Variants in NAALADL2 observed in about 807,000 individuals in gnomAD.
NAALADL2 encodes inactive N-acetylated-alpha-linked acidic dipeptidase-like protein 2.
A neutral mutation model predicts 87.2 loss-of-function variants in NAALADL2; 76 were observed. The observed-to-expected ratio is 0.87, with a 90% confidence interval of 0.72 to 1.05. The LOEUF (loss-of-function observed/expected upper bound fraction) is 1.05. Among genes scored for constraint, NAALADL2 ranks in the 50% least tolerant of loss-of-function variants. NAALADL2 has a pLI of 0.00. For missense variants in NAALADL2, 1,089 were observed against 945.8 expected, an observed-to-expected ratio of 1.15 and a Z score of -1.99; for synonymous variants, 354 against 331.0, an observed-to-expected ratio of 1.07 and a Z score of -0.75.
intron 2 of NAALADL2, among the ~76,000 whole-genome samples, chr3:175,178,667 C>T (rs997659391): frequency 5.3e-5 from 8 of 151,988 alleles, no homozygotes; most frequent in Non-Finnish European, 8.8e-5. Context: ...TCTGCATCCC[C>T]GCAGTACCTG....
At chr3:174,595,230 C>T (rs9290507) in intron 2 of NAALADL2, among the ~76,000 whole-genome samples, 2,956 of 152,166 alleles carry the variant, frequency 0.019, 106 homozygotes, top group African/African-American at 0.067. Context: ...TCAGTTTTCT[C>T]TTTCTCCTCT....
intron 12 of NAALADL2, among the ~76,000 whole-genome samples, chr3:175,743,450 T>C (rs771548489): frequency 3.3e-5 from 5 of 152,310 alleles, no homozygotes; most frequent in East Asian, 1.9e-4. Context: ...ACAGGCAGAG[T>C]TGGGTTTAAC....
intron 1 of NAALADL2, among the ~76,000 whole-genome samples, chr3:174,510,750 A>T (rs1234555986): frequency 6.6e-6 from 1 of 151,230 alleles, no homozygotes; most frequent in Non-Finnish European, 1.5e-5. Flanking sequence ...TTAGGGTTCA[A>T]TTTTTTTACT....
intron 5 of NAALADL2, among the ~76,000 whole-genome samples, chr3:175,425,553 G>T (rs1990845): frequency 0.074 from 11,230 of 152,006 alleles, 1,016 homozygotes; most frequent in African/African-American, 0.21. Flanking sequence ...CTATAGCTGA[G>T]GTAAACATGA....
At chr3:175,079,065 T>C (rs996260746) in intron 1 of NAALADL2, among the ~76,000 whole-genome samples, 3 of 152,230 alleles carry the variant, frequency 2.0e-5, no homozygotes, top group Non-Finnish European at 4.4e-5. Context: ...TATGGGGTTC[T>C]AATTTCTCTA....
chr3:174,857,154 A>G (rs1231743569), upstream of NAALADL2, among the ~76,000 whole-genome samples: 1 of 152,204 alleles, frequency 6.6e-6, no homozygotes, highest in Admixed American at 6.6e-5. Context: ...ATATGAATTC[A>G]GCAAAAGGGA....
chr3:175,541,298 G>A (rs1272931126), intron 9 of NAALADL2, among the ~76,000 whole-genome samples: 1 of 152,180 alleles, frequency 6.6e-6, no homozygotes, highest in Non-Finnish European at 1.5e-5. Context: ...TTATGATGGA[G>A]TTATGTCCTA....
intron 10 of NAALADL2, among the ~76,000 whole-genome samples, chr3:175,604,126 T>A (rs769535960): frequency 5.9e-5 from 9 of 152,122 alleles, no homozygotes; most frequent in Non-Finnish European, 1.0e-4. Flanking sequence ...TCCATACTAT[T>A]TTTAATAACA....
intron 11 of NAALADL2, among the ~76,000 whole-genome samples, chr3:175,722,854 A>G (rs1449275225): frequency 6.6e-6 from 1 of 152,174 alleles, no homozygotes; most frequent in Non-Finnish European, 1.5e-5. Flanking sequence ...CCATAGATGC[A>G]CTATATAGCC....
intron 6 of NAALADL2, among the ~76,000 whole-genome samples, chr3:175,460,326 A>T (rs1333471456): frequency 6.6e-6 from 1 of 152,204 alleles, no homozygotes; most frequent in Non-Finnish European, 1.5e-5. Flanking sequence ...AACAATATGC[A>T]TCAGGATCAG....
intron 1 of NAALADL2, among the ~76,000 whole-genome samples, chr3:175,075,308 C>A (rs1716396808): frequency 6.6e-6 from 1 of 152,000 alleles, no homozygotes; most frequent in African/African-American, 2.4e-5. Context: ...TGTAAGATCT[C>A]TTTTAGTCTG....
At chr3:175,372,375 C>T (rs1766617255) in intron 5 of NAALADL2, among the ~76,000 whole-genome samples, 1 of 152,206 alleles carries the variant, frequency 6.6e-6, no homozygotes, top group Admixed American at 6.5e-5. Flanking sequence ...CTTCATGTAA[C>T]AGAAAACTCA....
chr3:174,560,850 A>G (rs9827557), intron 2 of NAALADL2, among the ~76,000 whole-genome samples: 50,700 of 151,972 alleles, frequency 0.33, 10,238 homozygotes, highest in East Asian at 0.71. Flanking sequence ...AACACTGAAA[A>G]ATCTCTCTTT....
chr3:174,888,130 G>T (rs550492210), intron 1 of NAALADL2, among the ~76,000 whole-genome samples: 4 of 152,274 alleles, frequency 2.6e-5, no homozygotes, highest in Non-Finnish European at 4.4e-5. Context: ...AGTATCCCTA[G>T]CAGAGAAAAT....
At chr3:174,787,598 T>TATATATATATATATATATATATACACAC (rs1716904646) in intron 3 of NAALADL2, among the ~76,000 whole-genome samples, 3 of 60,174 alleles carry the variant, frequency 5.0e-5, no homozygotes, top group Admixed American at 1.6e-4. Flanking sequence ...TATATATATA[T>TATATATATATATATATATATATACACAC]ATATATATAT....
At chr3:175,354,499 ACT>A (rs1290889709) in intron 5 of NAALADL2, among the ~76,000 whole-genome samples, 1 of 152,174 alleles carries the variant, frequency 6.6e-6, no homozygotes, top group Non-Finnish European at 1.5e-5. Flanking sequence ...ATGTTATTAC[ACT>A]CTAAAAAATG....
chr3:175,428,393 C>G (rs1200037614), intron 5 of NAALADL2, among the ~76,000 whole-genome samples: 1 of 152,090 alleles, frequency 6.6e-6, no homozygotes, highest in Non-Finnish European at 1.5e-5. Context: ...CACTTTATAA[C>G]AAAATAGTCA....
At chr3:174,744,677 A>G (rs1256372905) in intron 3 of NAALADL2, among the ~76,000 whole-genome samples, 1 of 152,152 alleles carries the variant, frequency 6.6e-6, no homozygotes, top group Non-Finnish European at 1.5e-5. Flanking sequence ...CATGTTCTCT[A>G]AAATTGATCA....
At chr3:175,604,840 C>T (rs1723468926) in intron 10 of NAALADL2, among the ~76,000 whole-genome samples, 2 of 152,022 alleles carry the variant, frequency 1.3e-5, no homozygotes, top group Non-Finnish European at 2.9e-5. Flanking sequence ...AATGTTGAAG[C>T]ACAAGATGGA....
Sources: gnomAD v4.1 joint callset for allele counts (sites outside exome capture counted in the v4.1 genomes callset) on GRCh38, gnomAD v4.1.1 for gene constraint, MANE v1.5 for transcripts, NCBI Gene and HGNC (gene_info 2026-07-23, HGNC 2026-07-21) for gene names.